Variants in BEST3 observed in about 807,000 individuals in gnomAD.
BEST3 encodes bestrophin 3.
Under a neutral mutation model 47.1 loss-of-function variants are expected in BEST3, and 50 were observed. The observed-to-expected ratio is 1.06, with a 90% CI of 0.85 to 1.34. The LOEUF (loss-of-function observed/expected upper bound fraction) is 1.34, where lower values mean the gene tolerates loss of function less well. BEST3 is among the 40% of genes most tolerant of loss of function. The pLI, the probability that BEST3 is intolerant of heterozygous loss-of-function variation, is 0.00. For missense variants in BEST3, 765 were observed against 817.0 expected, an observed-to-expected ratio of 0.94 and a Z score of 0.78; for synonymous variants, 282 against 298.8, an observed-to-expected ratio of 0.94 and a Z score of 0.58.
intron 4 of BEST3, 102 bp downstream of exon 4, chr12:69,693,572 G>A (rs1418751258): frequency 9.6e-7 from 1 of 1,042,632 alleles, no homozygotes; most frequent in Non-Finnish European, 1.4e-6. Flanking sequence ...ACCAATAAAT[G>A]TTTCTTGAGT....
chr12:69,674,892 CTTTTTTTTTTT>C (rs35297025), intron 7 of BEST3, among the ~76,000 whole-genome samples: 1 of 109,430 alleles, frequency 9.1e-6, no homozygotes, highest in African/African-American at 3.4e-5. Context: ...TTAGGTTTGC[CTTTTTTTTTTT>C]TTTTTTTTTT....
chr12:69,662,693 AT>A (rs1475363734), intron 9 of BEST3, among the ~76,000 whole-genome samples: 4 of 152,196 alleles, frequency 2.6e-5, no homozygotes, highest in Non-Finnish European at 4.4e-5. Flanking sequence ...GCTCTTTAAA[AT>A]TTTGAATATT....
chr12:69,694,321 C>A (rs759476616), intron 3 of BEST3, 49 bp downstream of exon 3: 12 of 1,225,504 alleles, frequency 9.8e-6, no homozygotes, highest in Non-Finnish European at 1.3e-5. Flanking sequence ...CGGTGTCATC[C>A]TAACGGAGAC....
intron 9 of BEST3, among the ~76,000 whole-genome samples, chr12:69,668,396 C>T (rs1214927327): frequency 6.6e-6 from 1 of 152,166 alleles, no homozygotes; most frequent in Non-Finnish European, 1.5e-5. Context: ...CTTGTGTCTA[C>T]AGCATCTTGA....
intron 5 of BEST3, 139 bp downstream of exon 5, chr12:69,678,600 T>C: frequency 1.3e-6 from 1 of 765,830 alleles, no homozygotes; most frequent in South Asian, 1.9e-5. Flanking sequence ...TGTTGAGAGG[T>C]CTGACACTAG....
intron 9 of BEST3, chr12:69,669,961 CTAAA>C: frequency 6.5e-6 from 1 of 154,442 alleles, no homozygotes; most frequent in Non-Finnish European, 1.4e-5. Context: ...CATTTGCAGT[CTAAA>C]TAGAGTTATC....
chr12:69,648,179 C>T (rs1237344770), intron 9 of BEST3, among the ~76,000 whole-genome samples: 1 of 152,098 alleles, frequency 6.6e-6, no homozygotes, highest in Non-Finnish European at 1.5e-5. Flanking sequence ...GTCTACACCC[C>T]AAAGAAACTC....
chr12:69,670,446 T>C (rs762472359), intron 9 of BEST3: 2 of 702,800 alleles, frequency 2.8e-6, no homozygotes, highest in South Asian at 3.0e-5. Flanking sequence ...AATTCCACTT[T>C]CAGTCTTCCT....
intron 2 of BEST3, among the ~76,000 whole-genome samples, chr12:69,695,304 A>G (rs1230631134): frequency 4.6e-5 from 7 of 152,214 alleles, no homozygotes; most frequent in African/African-American, 1.4e-4. Context: ...TCAAGGAAAG[A>G]TCCATTATAA....
chr12:69,684,234 A>C (rs1885424348), intron 4 of BEST3: 1 of 253,604 alleles, frequency 3.9e-6, no homozygotes, highest in Non-Finnish European at 7.5e-6. Context: ...AGCTCTGCTC[A>C]GCAATTTTCA....
At position 69,654,196 on chromosome 12, in the gene BEST3, G is replaced by A. The variant is rs1883317880; in HGVS notation, c.*711C>T. ...GACATAAGCAACAGATTTGGCAAGA[G>A]GAAATATTATAACCTGAAAAATGGG... On this transcript the variant is annotated 3_prime_UTR_variant, in exon 10 of 10. Transcript: ENST00000330891. 8 of 984,902 alleles carry A rather than the reference G, an allele frequency of 8.1e-6. No homozygotes were observed. Among genetic ancestry groups the A allele is most frequent in the Middle Eastern group, 5.2e-4 (1 of 1,936 alleles). 61.0% of individuals were successfully genotyped at this position (984,902 alleles called of 1,614,324 possible).
intron 5 of BEST3, among the ~76,000 whole-genome samples, chr12:69,677,939 A>C (rs1431879566): frequency 1.3e-5 from 2 of 152,164 alleles, no homozygotes; most frequent in African/African-American, 2.4e-5. Flanking sequence ...CTGGAAAGCA[A>C]ATTTTTTGTT....
intron 9 of BEST3, among the ~76,000 whole-genome samples, chr12:69,669,192 A>G (rs931549373): frequency 9.2e-5 from 14 of 152,334 alleles, no homozygotes; most frequent in Admixed American, 2.0e-4. Context: ...TAAGAAATCC[A>G]AAGGGGGCCA....
chr12:69,643,817 C>T (rs747850823), intron 9 of BEST3: 1 of 701,242 alleles, frequency 1.4e-6, no homozygotes, highest in South Asian at 1.6e-5. Flanking sequence ...GGAGAATGGT[C>T]TTTTCTTTCT....
At chr12:69,667,353 G>T (rs967637564) in intron 9 of BEST3, among the ~76,000 whole-genome samples, 1 of 151,902 alleles carries the variant, frequency 6.6e-6, no homozygotes, top group Non-Finnish European at 1.5e-5. Flanking sequence ...GGAGTATAAC[G>T]GTGCGATCTC....
intron 4 of BEST3, chr12:69,684,086 C>T (rs750843460): frequency 6.5e-6 from 1 of 154,386 alleles, no homozygotes; most frequent in African/African-American, 2.4e-5. Context: ...TGTCCTCCCA[C>T]CACTTGGTTC....
chr12:69,657,134 C>T lies in BEST3; in HGVS notation c.1101-1321G>A, dbSNP rs576252104. 2.0e-4 allele frequency among the ~76,000 whole-genome samples: 31 copies of T among 152,182 alleles called. No homozygotes were observed. In the South Asian group the frequency reaches 4.2e-3, roughly 20 times the overall value. On this transcript the variant is annotated intron_variant, in intron 9 of 9. Transcript: ENST00000330891. ...TATTTGAGACAGAGTCTTACTCTGTCGCCCAGGCTGGAGTGTAGTGGTGTG... is the reference window on the plus strand; with the variant it reads ...TATTTGAGACAGAGTCTTACTCTGTTGCCCAGGCTGGAGTGTAGTGGTGTG...
intron 9 of BEST3, among the ~76,000 whole-genome samples, chr12:69,668,607 T>C (rs1442178296): frequency 6.6e-6 from 1 of 152,244 alleles, no homozygotes; most frequent in Non-Finnish European, 1.5e-5. Flanking sequence ...GAACATCTAT[T>C]GTTTTTGCTA....
Position 69,655,006 on chromosome 12 carries a change from A to G in BEST3, c.1908T>C (p.Ser636=). The G allele has an allele frequency of 3.7e-6, 6 of 1,614,132 alleles. No homozygotes were observed. The highest frequency in any genetic ancestry group is 5.1e-6 in the Non-Finnish European group (6 of 1,180,012). Residue 636 remains serine (S), a synonymous_variant, in exon 10 of 10, where the codon TCT becomes TCC. Coordinates refer to ENST00000330891, the MANE Select transcript of BEST3 (RefSeq NM_032735.3). ...EISGINIVAG[S]RVSSDMLYLM... ...AATACAGCATATCAGAAGAGACTCG[A>G]GAGCCAGCCACAATGTTGATCCCAC...
Sources: allele counts gnomAD v4.1 joint callset (sites outside exome capture counted in the v4.1 genomes callset), GRCh38; gene constraint gnomAD v4.1.1; transcripts MANE v1.5; gene names NCBI Gene and HGNC (gene_info 2026-07-23, HGNC 2026-07-21).